Variants in FSTL4 observed in about 807,000 individuals in gnomAD.
FSTL4 encodes follistatin-related protein 4.
A neutral mutation model predicts 78.2 loss-of-function variants in FSTL4; 28 were observed. The ratio of observed to expected loss-of-function variants is 0.36; its 90% CI spans 0.27 to 0.49. The LOEUF is 0.49. Among genes scored for constraint, FSTL4 ranks in the 20% least tolerant of loss-of-function variants. The pLI, the probability that FSTL4 is intolerant of heterozygous loss-of-function variation, is 0.98. For synonymous variants in FSTL4, 422 were observed against 440.5 expected (o/e 0.96, Z 0.53); for missense variants, 922 against 1,084.9 (o/e 0.85, Z 2.11).
chr5:133,759,764 T>A, the FSTL4 span, among the ~76,000 whole-genome samples: 2 of 152,252 alleles, frequency 1.3e-5, no homozygotes, highest in Non-Finnish European at 2.9e-5. Context: ...TACTTAACAT[T>A]GTTGGATGCC....
chr5:133,767,939 A>G, the FSTL4 span, among the ~76,000 whole-genome samples: 2 of 152,212 alleles, frequency 1.3e-5, no homozygotes, highest in Admixed American at 1.3e-4. Flanking sequence ...ACTCCGGTGG[A>G]AAAACATTGA....
chr5:133,624,620 A>G, the FSTL4 span, among the ~76,000 whole-genome samples: 1 of 151,888 alleles, frequency 6.6e-6, no homozygotes, highest in African/African-American at 2.4e-5. Flanking sequence ...ATACTCAAGC[A>G]CATTTAGTGG....
At chr5:133,301,628 T>C (rs1290241017) in intron 6 of FSTL4, among the ~76,000 whole-genome samples, 1 of 152,186 alleles carries the variant, frequency 6.6e-6, no homozygotes, top group Non-Finnish European at 1.5e-5. Flanking sequence ...GGATGCGTTT[T>C]GCAGTCCCAA....
At chr5:133,321,456 T>G (rs1159859605) in intron 4 of FSTL4, among the ~76,000 whole-genome samples, 1 of 152,168 alleles carries the variant, frequency 6.6e-6, no homozygotes, top group Non-Finnish European at 1.5e-5. Flanking sequence ...CTTTACTCCT[T>G]CGGAGGGAAG....
intron 7 of FSTL4, among the ~76,000 whole-genome samples, chr5:133,235,751 C>G (rs1052821587): frequency 5.3e-5 from 8 of 152,190 alleles, no homozygotes; most frequent in Non-Finnish European, 1.0e-4. Context: ...TTCTACCATT[C>G]TGCGGAAGCC....
At chr5:133,394,593 G>C (rs547903993) in intron 4 of FSTL4, among the ~76,000 whole-genome samples, 1 of 152,324 alleles carries the variant, frequency 6.6e-6, no homozygotes, top group Non-Finnish European at 1.5e-5. Context: ...CTCCCCGCAG[G>C]GCAGGGCTTA....
intron 3 of FSTL4, among the ~76,000 whole-genome samples, chr5:133,439,245 A>T (rs1338766397): frequency 6.6e-6 from 1 of 152,142 alleles, no homozygotes; most frequent in Admixed American, 6.5e-5. Context: ...CTTCCTTTTT[A>T]TGTTTCTAGA....
At chr5:133,545,677 G>A (rs1320889509) in intron 3 of FSTL4, among the ~76,000 whole-genome samples, 1 of 152,214 alleles carries the variant, frequency 6.6e-6, no homozygotes, top group African/African-American at 2.4e-5. Flanking sequence ...AAATGTTGAA[G>A]CAGCTTTTGG....
the FSTL4 span, among the ~76,000 whole-genome samples, chr5:133,637,252 A>T: frequency 6.6e-6 from 1 of 151,736 alleles, no homozygotes; most frequent in Non-Finnish European, 1.5e-5. Flanking sequence ...TCTCCCTGAA[A>T]CCTACTCCAA....
chr5:133,315,625 C>T (rs1477791332), intron 5 of FSTL4, among the ~76,000 whole-genome samples: 1 of 152,208 alleles, frequency 6.6e-6, no homozygotes, highest in South Asian at 2.1e-4. Context: ...TGCCCACCGC[C>T]CCCCACCACC....
At chr5:133,641,989 T>G in the FSTL4 span, among the ~76,000 whole-genome samples, 1 of 152,092 alleles carries the variant, frequency 6.6e-6, no homozygotes, top group South Asian at 2.1e-4. Flanking sequence ...GCTCTTGAAC[T>G]CTCTTCTAAT....
At chr5:133,469,154 C>T (rs1463949232) in intron 3 of FSTL4, among the ~76,000 whole-genome samples, 4 of 152,120 alleles carry the variant, frequency 2.6e-5, no homozygotes, top group Non-Finnish European at 5.9e-5. Flanking sequence ...GGGCAGGAGC[C>T]AGAGGAAAGC....
chr5:133,688,699 T>C, the FSTL4 span, among the ~76,000 whole-genome samples: 9 of 152,222 alleles, frequency 5.9e-5, no homozygotes, highest in African/African-American at 2.2e-4. Flanking sequence ...GGACTCATTT[T>C]TTTCTAAAGT....
chr5:133,541,256 T>C (rs953674543), intron 3 of FSTL4, among the ~76,000 whole-genome samples: 2 of 152,326 alleles, frequency 1.3e-5, no homozygotes, highest in African/African-American at 2.4e-5. Flanking sequence ...CACACAGTTG[T>C]TGTCAGATGG....
At chr5:133,337,671 T>C (rs1580630081) in intron 4 of FSTL4, among the ~76,000 whole-genome samples, 1 of 152,214 alleles carries the variant, frequency 6.6e-6, no homozygotes, top group African/African-American at 2.4e-5. Flanking sequence ...ATGCCACCCA[T>C]GTCTTAGGAC....
chr5:133,327,722 G>T (rs566170339), intron 4 of FSTL4, among the ~76,000 whole-genome samples: 25 of 152,304 alleles, frequency 1.6e-4, no homozygotes, highest in Middle Eastern at 3.4e-3. Flanking sequence ...TCTGTCTCTT[G>T]TTGAGCTGAG....
intron 4 of FSTL4, among the ~76,000 whole-genome samples, chr5:133,331,419 A>C (rs1264176274): frequency 1.3e-5 from 2 of 152,128 alleles, no homozygotes; most frequent in African/African-American, 4.8e-5. Context: ...CTGGACTGCA[A>C]ATCAATGCCA....
At chr5:133,567,267 T>C in intron 2 of FSTL4, 48 bp from the exon 3 acceptor site, 3 of 1,326,838 alleles carry the variant, frequency 2.3e-6, no homozygotes, top group Non-Finnish European at 2.2e-6. Context: ...AATTCATATG[T>C]ACAGATACTT....
At chr5:133,269,136 C>A (rs1009530341) in intron 6 of FSTL4, among the ~76,000 whole-genome samples, 6 of 139,200 alleles carry the variant, frequency 4.3e-5, no homozygotes, top group African/African-American at 1.7e-4. Flanking sequence ...GAGCTGAGAT[C>A]GTGCCACTGC....
Sources: gnomAD v4.1 joint callset for allele counts (sites outside exome capture counted in the v4.1 genomes callset) on GRCh38, gnomAD v4.1.1 for gene constraint, MANE v1.5 for transcripts, NCBI Gene and HGNC (gene_info 2026-07-23, HGNC 2026-07-21) for gene names.